CEP57: variants seen among roughly 807,000 people sequenced by gnomAD.
CEP57 encodes the protein centrosomal protein 57, also known as centrosomal protein of 57 kDa.
A neutral mutation model predicts 68.0 loss-of-function variants in CEP57; 40 were observed. The ratio of observed to expected loss-of-function variants is 0.59; its 90% CI spans 0.46 to 0.77. The LOEUF is 0.77. Among genes scored for constraint, CEP57 ranks in the 30% least tolerant of loss-of-function variants. CEP57 has a pLI of 0.00. For synonymous variants in CEP57, 219 were observed against 198.7 expected (o/e 1.10, Z -0.86); for missense variants, 606 against 580.7 (o/e 1.04, Z -0.45).
At chr11:95,791,173 C>G (rs1278415280) in intron 1 of CEP57, among the ~76,000 whole-genome samples, 1 of 152,148 alleles carries the variant, frequency 6.6e-6, no homozygotes, top group African/African-American at 2.4e-5. Flanking sequence ...CGCCGTCTCT[C>G]GAGCGCTTAC....
intron 1 of CEP57, chr11:95,794,442 C>T: frequency 2.5e-6 from 1 of 400,692 alleles, no homozygotes; most frequent in South Asian, 1.8e-5. Context: ...ATTTTATGTC[C>T]TCTTAAATGG....
chr11:95,804,570 A>C (rs759033784), intron 2 of CEP57, among the ~76,000 whole-genome samples: 1 of 152,198 alleles, frequency 6.6e-6, no homozygotes, highest in Non-Finnish European at 1.5e-5. Context: ...GAACTGGAAC[A>C]CTGCGGCCCG....
chr11:95,793,549 C>CTG (rs1481313885), intron 1 of CEP57, among the ~76,000 whole-genome samples: 1 of 92,692 alleles, frequency 1.1e-5, no homozygotes, highest in Admixed American at 9.2e-5. Flanking sequence ...CTTCATGTTC[C>CTG]TCTGTGTCTT....
chr11:95,790,095 G>A (rs192959185), upstream of CEP57: 54 of 158,952 alleles, frequency 3.4e-4, no homozygotes, highest in East Asian at 0.01. Context: ...CTTTCTATTG[G>A]ACTAAATCGT....
At chr11:95,796,273 G>C (rs1045873902) in intron 1 of CEP57, among the ~76,000 whole-genome samples, 1 of 152,176 alleles carries the variant, frequency 6.6e-6, no homozygotes, top group Admixed American at 6.5e-5. Context: ...AGAACTAAAG[G>C]CTGCAGGAAA....
chr11:95,803,706 G>A (rs2950521), intron 2 of CEP57, among the ~76,000 whole-genome samples: 42,402 of 149,516 alleles, frequency 0.28, 7,059 homozygotes, highest in Non-Finnish European at 0.38. Flanking sequence ...TTTTTTTTTC[G>A]GCTTGTAACT....
chr11:95,803,241 T>C (rs1323075841), intron 2 of CEP57, among the ~76,000 whole-genome samples: 3 of 152,154 alleles, frequency 2.0e-5, no homozygotes, highest in East Asian at 3.9e-4. Context: ...CTTAGAGGAA[T>C]TGATATAATT....
chr11:95,807,518 C>T (rs1029065460), intron 2 of CEP57, among the ~76,000 whole-genome samples: 1 of 152,110 alleles, frequency 6.6e-6, no homozygotes, highest in Non-Finnish European at 1.5e-5. Flanking sequence ...GTAGAGAAGA[C>T]CTTAAATGAC....
At chr11:95,790,448 C>T (rs1175743025), upstream of CEP57, 4 of 582,384 alleles carry the variant, frequency 6.9e-6, no homozygotes, top group Non-Finnish European at 9.2e-6. Context: ...TACAGAAAGA[C>T]GTCTGCTGTT....
At chr11:95,790,291 A>G (rs1860947231), upstream of CEP57, 1 of 288,492 alleles carries the variant, frequency 3.5e-6, no homozygotes, top group South Asian at 4.5e-5. Context: ...CGACACCACT[A>G]CTCGCCCACG....
chr11:95,810,826 T>C (rs922637036), intron 2 of CEP57, among the ~76,000 whole-genome samples: 1 of 152,174 alleles, frequency 6.6e-6, no homozygotes. Flanking sequence ...CTGACTTTCG[T>C]CACAGAATTG....
rs565598853 is a variant in CEP57 at position 95,790,546 on chromosome 11, A to C, written c.-153A>C. 3.6e-6 allele frequency: 3 copies of C among 827,304 alleles called. No homozygotes were observed. The highest frequency in any genetic ancestry group is 1.5e-5 in the South Asian group (1 of 66,118). 51.2% of individuals were successfully genotyped at this position (827,304 alleles called of 1,614,324 possible). ...AGGCGGCCCTGAGGGGGTGTGTTGC[A>C]GGGGTTTCCAAGCCCAGCACCAGCA... On this transcript the variant is annotated 5_prime_UTR_variant, in exon 1 of 11. Coordinates refer to ENST00000325542, the MANE Select transcript of CEP57 (RefSeq NM_014679.5).
In CEP57 at chr11:95,817,908, G is replaced by A; in HGVS notation, c.621+5G>A. On this transcript the variant is annotated splice_donor_5th_base_variant and intron_variant, in intron 5 of 10. Transcript: ENST00000325542. ...ACAATGCAGGCCCTTGCAGAAGTCA[G>A]TGCATGTGTCTTTTTATTGTTAACA... is the stretch of plus-strand genomic sequence containing the variant. 1 of 1,546,586 alleles carries A rather than the reference G, an allele frequency of 6.5e-7. No homozygotes were observed. Among genetic ancestry groups the A allele is most frequent in the Non-Finnish European group, 8.9e-7 (1 of 1,118,586 alleles).
At chr11:95,796,995 A>C (rs1433346025) in intron 1 of CEP57, among the ~76,000 whole-genome samples, 2 of 152,186 alleles carry the variant, frequency 1.3e-5, no homozygotes, top group Non-Finnish European at 2.9e-5. Context: ...TCAACAATCT[A>C]GAAGCTCCCC....
intron 1 of CEP57, among the ~76,000 whole-genome samples, chr11:95,792,689 C>G (rs2135233757): frequency 6.6e-6 from 1 of 152,254 alleles, no homozygotes; most frequent in South Asian, 2.1e-4. Flanking sequence ...CTAAGAATAT[C>G]TAGGAACCTC....
chr11:95,829,370 A>AG (rs1207746233), intron 10 of CEP57, 39 bp downstream of exon 10: 5 of 1,553,450 alleles, frequency 3.2e-6, no homozygotes, highest in African/African-American at 2.7e-5. Flanking sequence ...CTAATGATTA[A>AG]GAAAAAAAAA....
At chr11:95,829,050 A>G in intron 9 of CEP57, 137 bp from the exon 10 acceptor site, 3 of 959,982 alleles carry the variant, frequency 3.1e-6, no homozygotes. Context: ...TCAAAAAAAA[A>G]AAAAAAATTT....
chr11:95,790,766 G>A (rs1478190209), intron 1 of CEP57, 23 bp downstream of exon 1: 1 of 1,613,404 alleles, frequency 6.2e-7, no homozygotes, highest in Admixed American at 1.7e-5. Flanking sequence ...TGGCGCGAGT[G>A]GGCCCCACGT....
intron 1 of CEP57, among the ~76,000 whole-genome samples, chr11:95,791,383 C>T (rs1861066959): frequency 6.6e-6 from 1 of 152,190 alleles, no homozygotes; most frequent in African/African-American, 2.4e-5. Context: ...CAAATGTCAC[C>T]ATCCAGTTTA....
Sources: allele counts gnomAD v4.1 joint callset (sites outside exome capture counted in the v4.1 genomes callset), GRCh38; gene constraint gnomAD v4.1.1; transcripts MANE v1.5; gene names NCBI Gene and HGNC (gene_info 2026-07-23, HGNC 2026-07-21).